GPX6: variants seen among roughly 807,000 people sequenced by gnomAD.
GPX6 encodes the protein glutathione peroxidase 6.
In GPX6, 21 loss-of-function variants were observed where a neutral mutation model predicts 20.0. The ratio of observed to expected loss-of-function variants is 1.05; its 90% CI spans 0.74 to 1.51. The LOEUF (loss-of-function observed/expected upper bound fraction) is 1.51. GPX6 is among the 40% of genes most tolerant of loss of function. GPX6 has a pLI of 0.00. For synonymous variants in GPX6, 75 were observed against 98.0 expected (o/e 0.77, Z 1.38); for missense variants, 233 against 254.7 (o/e 0.91, Z 0.58).
At position 28,505,734 on chromosome 6, in the gene GPX6, T is replaced by C. The variant is rs200194994; in HGVS notation, c.428A>G (p.Glu143Gly). The change falls in exon 4 of 5, where the codon GAA becomes GGA. Residue 143 changes from glutamate (E) to glycine (G), a missense_variant. Glu to Gly is a moderately conservative substitution (Grantham distance 98). Transcript: ENST00000361902. ...QLFEKGDVNG[E>G]KEQKVFTFLK... ...GAAAGTAAAGACCTTCTGTTCTTTT[T>C]CTCCATTCACATCCCCTTTCTCAAA... 2.1e-5 allele frequency: 34 copies of C among 1,613,882 alleles called. No homozygotes were observed. Among genetic ancestry groups the C allele is most frequent in the Non-Finnish European group, 2.8e-5 (33 of 1,179,856 alleles).
intron 1 of GPX6, among the ~76,000 whole-genome samples, chr6:28,514,307 A>G (rs527859614): frequency 3.3e-5 from 5 of 152,316 alleles, no homozygotes; most frequent in African/African-American, 7.2e-5. Context: ...GAAGAGCTCA[A>G]TCCTTCCTAC....
intron 1 of GPX6, among the ~76,000 whole-genome samples, chr6:28,512,199 C>T (rs1161602184): frequency 6.6e-6 from 1 of 152,270 alleles, no homozygotes; most frequent in African/African-American, 2.4e-5. Context: ...TGGCAGGCAG[C>T]TCGGCCTGCG....
chr6:28,515,752 GTT>G lies in GPX6; in HGVS notation c.-11_-10del. ...TGGAACTGCTGGAACATGGCTAGGA[GTT>G]TTAGACGACTCTGAGGTCCCCAGGA... On this transcript the variant is annotated 5_prime_UTR_variant, in exon 1 of 5. Coordinates refer to ENST00000361902, the MANE Select transcript of GPX6 (RefSeq NM_182701.1). 1 of 1,610,980 alleles carries G rather than the reference GTT, an allele frequency of 6.2e-7. No individual in the cohort carries two copies. Among genetic ancestry groups the G allele is most frequent in the Non-Finnish European group, 8.5e-7 (1 of 1,177,258 alleles).
intron 1 of GPX6, 48 bp from the exon 2 acceptor site, chr6:28,510,952 T>A (rs761674394): frequency 2.0e-5 from 31 of 1,516,194 alleles, no homozygotes; most frequent in Middle Eastern, 1.7e-4. Flanking sequence ...AAAAAATAAT[T>A]CCCAACATTT....
chr6:28,504,070 A>G lies in GPX6; in HGVS notation c.*222T>C, dbSNP rs1323586342. The G allele has an allele frequency of 3.5e-6, 2 of 571,078 alleles. No individual in the cohort carries two copies. The highest frequency in any genetic ancestry group is 6.2e-6 in the Non-Finnish European group (2 of 320,420). 35.4% of individuals were successfully genotyped at this position (571,078 alleles called of 1,614,324 possible). A position where few individuals can be genotyped will look rare whatever the true frequency, so the allele number is the denominator to read the frequency against. On this transcript the variant is annotated 3_prime_UTR_variant, in exon 5 of 5. Transcript: ENST00000361902. ...ACACACCATACATACACCTATGCAT[A>G]TACCAACAAATACAATTCTACATAT...
intron 1 of GPX6, among the ~76,000 whole-genome samples, chr6:28,511,549 A>T (rs1356942439): frequency 3.3e-5 from 5 of 152,060 alleles, no homozygotes; most frequent in Non-Finnish European, 7.4e-5. Context: ...GCCTATAAAA[A>T]CTCTGAGACC....
intron 2 of GPX6, among the ~76,000 whole-genome samples, chr6:28,510,545 T>A (rs1385934992): frequency 3.3e-5 from 5 of 152,206 alleles, no homozygotes. Flanking sequence ...GGTCTTTAAG[T>A]CTTTGGGAAG....
intron 2 of GPX6, among the ~76,000 whole-genome samples, chr6:28,508,833 C>G (rs1762833392): frequency 6.6e-6 from 1 of 151,848 alleles, no homozygotes; most frequent in Non-Finnish European, 1.5e-5. Context: ...ACAAAGGGAC[C>G]CCCAAATTAT....
intron 4 of GPX6, among the ~76,000 whole-genome samples, 168 bp from the exon 5 acceptor site, chr6:28,504,666 A>G (rs564471848): frequency 2.0e-5 from 3 of 152,316 alleles, no homozygotes; most frequent in Admixed American, 6.5e-5. Context: ...GCAATGTATC[A>G]ATACCAATAC....
rs532444858 is a variant in GPX6, at chr6:28,510,820, G to A, written c.172C>T (p.Gln58Ter). The change falls in exon 2 of 5, where the codon CAG (glutamine) becomes TAG (stop). Residue 58 changes from glutamine (Q) to a stop codon, truncating the protein, a stop_gained. Transcript: ENST00000361902. LOFTEE classifies it high-confidence loss of function. ...AACAGGACGTGCTTGCCTGCAAACTGCTTGAATTGGATGTACTCCTCGCCG... is the reference window on the plus strand; with the variant it reads ...AACAGGACGTGCTTGCCTGCAAACTACTTGAATTGGATGTACTCCTCGCCG... The part of the protein sequence containing the change: ...LNGEEYIQFK[Q>*]FAGKHVLFVN... 1 of 1,614,074 alleles carries A rather than the reference G, an allele frequency of 6.2e-7. No individual in the cohort carries two copies. Among genetic ancestry groups the A allele is most frequent in the African/African-American group, 1.3e-5 (1 of 75,018 alleles).
intron 4 of GPX6, among the ~76,000 whole-genome samples, chr6:28,504,992 G>A (rs1004056145): frequency 1.3e-5 from 2 of 152,062 alleles, no homozygotes; most frequent in Non-Finnish European, 2.9e-5. Context: ...AAAATTAAAA[G>A]TCTACTGTAA....
rs140951020 is a variant in GPX6, at chr6:28,515,149, G to A, written c.87+508C>T. On this transcript the variant is annotated intron_variant, in intron 1 of 4. Transcript: ENST00000361902. ...TATTTTTCTAGGGGTGTGGTGGTGGGGAGCTCCTCTTTCTGTGACCTAGAA... is the reference window on the plus strand; with the variant it reads ...TATTTTTCTAGGGGTGTGGTGGTGGAGAGCTCCTCTTTCTGTGACCTAGAA... Among the ~76,000 whole-genome samples the A allele has an allele frequency of 7.9e-3, 1,201 of 152,254 alleles. 10 individuals carry two copies. Among genetic ancestry groups the A allele is most frequent in the African/African-American group, 0.027 (1,118 of 41,536 alleles).
At chr6:28,513,335 C>T (rs1437144927) in intron 1 of GPX6, among the ~76,000 whole-genome samples, 1 of 152,200 alleles carries the variant, frequency 6.6e-6, no homozygotes, top group African/African-American at 2.4e-5. Flanking sequence ...CACACGCCCA[C>T]TGGGGCTTCA....
At position 28,504,187 on chromosome 6, in the gene GPX6, G is replaced by T. The variant is rs1379030189; in HGVS notation, c.*105C>A. ...AGGATGGTTTGGTCATCAGGAGGCT[G>T]GGTAGGCACGAGTGTGGAGCAAAGA... On this transcript the variant is annotated 3_prime_UTR_variant, in exon 5 of 5. Transcript: ENST00000361902. 8 of 1,104,334 alleles carry T rather than the reference G, an allele frequency of 7.2e-6. No individual in the cohort carries two copies. The highest frequency in any genetic ancestry group is 9.4e-6 in the Non-Finnish European group (7 of 746,640). The allele number at this position is 1,104,334 out of a possible 1,614,324, so 68.4% of individuals were successfully genotyped here. A position where few individuals can be genotyped will look rare whatever the true frequency, so the allele number is the denominator to read the frequency against.
Position 28,504,294 on chromosome 6 carries a change from A to C in GPX6, c.664T>G (p.Ter222GluextTer?), listed in dbSNP as rs1762784773. Reference protein sequence around the residue: ...LEYLKQFNTH* With the variant: ...LEYLKQFNTHE Reference sequence around the variant, plus strand: ...TTTCTGTCAGTCGCTAGCCCTTCCTAGTGGGTATTGAACTGCTTTAGGTAC... The same window carrying C: ...TTTCTGTCAGTCGCTAGCCCTTCCTCGTGGGTATTGAACTGCTTTAGGTAC... The change falls in exon 5 of 5, where the codon TAG becomes GAG. Residue 222 changes from the stop codon to glutamate, a stop_lost. Transcript: ENST00000361902. The C allele has an allele frequency of 5.0e-6, 8 of 1,613,676 alleles. No homozygotes were observed. The East Asian group carries it at 1.8e-4, about 36-fold the overall frequency.
At chr6:28,512,766 A>G (rs895226074) in intron 1 of GPX6, among the ~76,000 whole-genome samples, 10 of 151,730 alleles carry the variant, frequency 6.6e-5, no homozygotes, top group Non-Finnish European at 1.2e-4. Flanking sequence ...CTACAGCTTC[A>G]CTCCTGAAGC....
intron 1 of GPX6, among the ~76,000 whole-genome samples, chr6:28,515,222 G>C (rs188875101): frequency 6.6e-6 from 1 of 152,092 alleles, no homozygotes; most frequent in Admixed American, 6.5e-5. Context: ...TCTCCCTCTG[G>C]GTTTCTGGCT....
At chr6:28,515,590 G>C (rs1410758730) in intron 1 of GPX6, 67 bp downstream of exon 1, 2 of 1,211,868 alleles carry the variant, frequency 1.7e-6, no homozygotes, top group Non-Finnish European at 1.2e-6. Flanking sequence ...AGAACTCCTT[G>C]CAACTCTGGC....
chr6:28,509,741 A>G (rs34225390), intron 2 of GPX6, among the ~76,000 whole-genome samples: 5 of 152,326 alleles, frequency 3.3e-5, no homozygotes, highest in South Asian at 4.1e-4. Context: ...ACTCTTCTCC[A>G]ATAAGGGCAC....
Sources: gnomAD v4.1 joint callset for allele counts (sites outside exome capture counted in the v4.1 genomes callset) on GRCh38, gnomAD v4.1.1 for gene constraint, MANE v1.5 for transcripts, NCBI Gene and HGNC (gene_info 2026-07-23, HGNC 2026-07-21) for gene names.